RTP2: variants seen among roughly 807,000 people sequenced by gnomAD.
The protein encoded by RTP2 is receptor-transporting protein 2.
In RTP2, 12 loss-of-function variants were observed where a neutral mutation model predicts 17.9. The ratio of observed to expected loss-of-function variants is 0.67; its 90% CI spans 0.43 to 1.09. RTP2 has a LOEUF of 1.09. Ranked by LOEUF, RTP2 falls within the 50% of genes least tolerant of loss-of-function variation. The pLI, the probability that RTP2 is intolerant of heterozygous loss-of-function variation, is 0.00. For synonymous variants in RTP2, 126 were observed against 117.7 expected, an observed-to-expected ratio of 1.07 and a Z score of -0.46; for missense variants, 327 against 295.7, an observed-to-expected ratio of 1.11 and a Z score of -0.78.
At chr3:187,715,262 C>A in the RTP2 span, among the ~76,000 whole-genome samples, 1 of 152,210 alleles carries the variant, frequency 6.6e-6, no homozygotes, top group Non-Finnish European at 1.5e-5. Flanking sequence ...TGCCAACTCA[C>A]CACACATCTT....
chr3:187,701,877 G>A (rs1427353317), intron 1 of RTP2, 88 bp downstream of exon 1: 23 of 1,320,094 alleles, frequency 1.7e-5, no homozygotes, highest in Admixed American at 1.2e-4. Flanking sequence ...GAATAAGCCC[G>A]CGACTGGGCT....
intron 1 of RTP2, 138 bp downstream of exon 1, chr3:187,701,827 C>T (rs1222504482): frequency 2.8e-6 from 2 of 716,144 alleles, no homozygotes; most frequent in Non-Finnish European, 4.4e-6. Context: ...TCTGACCCAG[C>T]CGGCTGTCTT....
chr3:187,714,404 A>G, the RTP2 span, among the ~76,000 whole-genome samples: 20 of 152,228 alleles, frequency 1.3e-4, no homozygotes, highest in Admixed American at 1.1e-3. Flanking sequence ...TGGGGGCCAG[A>G]GCCCCTCAGT....
chr3:187,700,019 T>C (rs940179754), intron 1 of RTP2, among the ~76,000 whole-genome samples: 10 of 152,192 alleles, frequency 6.6e-5, no homozygotes, highest in African/African-American at 2.4e-4. Context: ...TATAGAGGCT[T>C]CACAGGCAGT....
the RTP2 span, among the ~76,000 whole-genome samples, chr3:187,714,899 G>C: frequency 6.6e-6 from 1 of 152,146 alleles, no homozygotes; most frequent in South Asian, 2.1e-4. Context: ...AGAAATGATG[G>C]GAGATAGATT....
chr3:187,712,601 CT>C, the RTP2 span, among the ~76,000 whole-genome samples: 5 of 152,104 alleles, frequency 3.3e-5, no homozygotes, highest in Middle Eastern at 3.2e-3. Flanking sequence ...TTGTTAGCCC[CT>C]TTTGAATTGT....
upstream of RTP2, among the ~76,000 whole-genome samples, chr3:187,704,828 G>A (rs1435740205): frequency 6.6e-6 from 1 of 152,168 alleles, no homozygotes; most frequent in Non-Finnish European, 1.5e-5. Context: ...GCTGACCTCT[G>A]AATCTCAGGG....
the RTP2 span, among the ~76,000 whole-genome samples, chr3:187,707,760 C>T: frequency 2.6e-5 from 4 of 152,204 alleles, no homozygotes; most frequent in East Asian, 3.8e-4. Context: ...GCTATTTAAA[C>T]GCATTGCTCT....
chr3:187,702,451 A>G (rs1321723072), exon 1 of RTP2: 9 of 495,844 alleles, frequency 1.8e-5, no homozygotes, highest in Non-Finnish European at 3.6e-5. Context: ...ACTCATCTGG[A>G]TTTCCAGAGG....
In RTP2 at chr3:187,702,057, C is replaced by T. The variant is rs150042924; in HGVS notation, c.72G>A (p.Ala24=). Reference sequence around the variant, plus strand: ...GGTCTATGATGAGCTCCCAGCTGTCCGCTGGCTTTGCCACCTCCATCTTCT... The same window carrying T: ...GGTCTATGATGAGCTCCCAGCTGTCTGCTGGCTTTGCCACCTCCATCTTCT... The change falls in exon 1 of 2, where the codon GCG becomes GCA. Residue 24 remains alanine, a synonymous_variant. Coordinates refer to ENST00000358241, the Ensembl canonical transcript of RTP2. 5.4e-5 allele frequency: 87 copies of T among 1,613,726 alleles called. No homozygotes were observed. The Middle Eastern group carries it at 1.3e-3, about 24-fold the overall frequency.
At chr3:187,713,806 A>G in the RTP2 span, among the ~76,000 whole-genome samples, 41 of 152,312 alleles carry the variant, frequency 2.7e-4, no homozygotes, top group Middle Eastern at 3.4e-3. Context: ...TTGCAAAGGG[A>G]GTAGCCTCGG....
the RTP2 span, among the ~76,000 whole-genome samples, chr3:187,711,258 G>A: frequency 0.24 from 36,200 of 151,998 alleles, 4,413 homozygotes; most frequent in South Asian, 0.28. Context: ...TGAGGCTGTC[G>A]GCATGACTGA....
chr3:187,703,904 T>C (rs1717924420), upstream of RTP2, among the ~76,000 whole-genome samples: 1 of 152,216 alleles, frequency 6.6e-6, no homozygotes, highest in South Asian at 2.1e-4. Context: ...AGGTTTAATT[T>C]AGCATAGCAG....
At chr3:187,700,244 A>T (rs73043377) in intron 1 of RTP2, among the ~76,000 whole-genome samples, 120 of 152,360 alleles carry the variant, frequency 7.9e-4, no homozygotes, top group Middle Eastern at 3.4e-3. Context: ...ATGAGCATAG[A>T]ACAGTACCCA....
chr3:187,704,310 A>T (rs915700588), upstream of RTP2, among the ~76,000 whole-genome samples: 1 of 152,218 alleles, frequency 6.6e-6, no homozygotes, highest in Non-Finnish European at 1.5e-5. Flanking sequence ...TACTTATTAG[A>T]GTAATGTAAG....
chr3:187,702,244 G>A, exon 1 of RTP2: 1 of 1,007,834 alleles, frequency 9.9e-7, no homozygotes, highest in East Asian at 2.4e-5. Context: ...GGCAGGACTG[G>A]GAGTAAACAG....
In RTP2 at chr3:187,702,212, G is replaced by T. The variant is rs192222753; in HGVS notation, c.-84C>A. On this transcript the variant is annotated 5_prime_UTR_variant, in exon 1 of 2. Coordinates refer to ENST00000358241, the Ensembl canonical transcript of RTP2. ...ACGGATAGGTACGGGACAATTCAGT[G>T]TCTACGGTCAGAATCCTCATCGGCA... 153 of 1,362,804 alleles carry T rather than the reference G, an allele frequency of 1.1e-4. 1 individual carries two copies. The African/African-American group carries it at 2.0e-3, about 18-fold the overall frequency. 84.4% of individuals were successfully genotyped at this position (1,362,804 alleles called of 1,614,324 possible).
chr3:187,700,231 C>A (rs1261844484), intron 1 of RTP2, among the ~76,000 whole-genome samples: 1 of 152,244 alleles, frequency 6.6e-6, no homozygotes, highest in African/African-American at 2.4e-5. Flanking sequence ...AAAGCCTGAT[C>A]ACATGAGCAT....
chr3:187,702,368 A>C (rs966571844), exon 1 of RTP2: 62 of 563,338 alleles, frequency 1.1e-4, no homozygotes, highest in South Asian at 6.9e-4. Context: ...CAGGGCCCTG[A>C]GTTAGGCTTC....
Sources: allele counts gnomAD v4.1 joint callset (sites outside exome capture counted in the v4.1 genomes callset), GRCh38; gene constraint gnomAD v4.1.1; transcripts MANE v1.5; gene names NCBI Gene and HGNC (gene_info 2026-07-23, HGNC 2026-07-21).